DEUP1: variants seen among roughly 807,000 people sequenced by gnomAD.
The protein encoded by DEUP1 is deuterosome assembly protein 1.
In DEUP1, 82 loss-of-function variants were observed where a neutral mutation model predicts 87.4. The ratio of observed to expected loss-of-function variants is 0.94; its 90% CI spans 0.78 to 1.13. DEUP1 has a LOEUF of 1.13. DEUP1 is among the 50% of genes most tolerant of loss of function. The probability of loss-of-function intolerance (pLI) is 0.00; values close to 1 mark genes in which losing one functional copy is unlikely to be tolerated. For missense variants in DEUP1, 663 were observed against 681.5 expected (o/e 0.97, Z 0.30); for synonymous variants, 214 against 222.7 (o/e 0.96, Z 0.35).
intron 1 of DEUP1, among the ~76,000 whole-genome samples, chr11:93,331,993 A>G (rs1264928690): frequency 6.6e-6 from 1 of 152,172 alleles, no homozygotes; most frequent in East Asian, 1.9e-4. Context: ...GTGAGCTGAG[A>G]TCGTGCCTCT....
chr11:93,344,770 C>A (rs1944256091), intron 2 of DEUP1, among the ~76,000 whole-genome samples: 1 of 151,846 alleles, frequency 6.6e-6, no homozygotes, highest in South Asian at 2.1e-4. Flanking sequence ...TGATAAAACA[C>A]TTCTGAAAGT....
At chr11:93,432,959 C>CT (rs1565356963) in intron 13 of DEUP1, among the ~76,000 whole-genome samples, 1 of 152,072 alleles carries the variant, frequency 6.6e-6, no homozygotes, top group Non-Finnish European at 1.5e-5. Flanking sequence ...CTTTTAACTT[C>CT]TTTTTTTCCT....
Position 93,385,413 on chromosome 11 carries a change from C to G in DEUP1, c.805C>G (p.Leu269Val), listed in dbSNP as rs768435683. Residue 269 changes from leucine (L) to valine (V), a missense_variant, in exon 8 of 14, where the codon CTC becomes GTC. Leu to Val is a conservative substitution (Grantham distance 32, BLOSUM62 1). Coordinates refer to ENST00000298050, the MANE Select transcript of DEUP1 (RefSeq NM_181645.4). Reference protein sequence around the residue: ...QRQCQAMEAGLSEVKSELQSR... With the variant: ...QRQCQAMEAGVSEVKSELQSR... Reference sequence around the variant, plus strand: ...TTTTATTCAGGCCATGGAAGCAGGTCTCTCAGAGGTAAAAAGTGAGTTACA... The same window carrying G: ...TTTTATTCAGGCCATGGAAGCAGGTGTCTCAGAGGTAAAAAGTGAGTTACA... 9 of 1,612,710 alleles carry G rather than the reference C, an allele frequency of 5.6e-6. No homozygotes were observed. Among genetic ancestry groups the G allele is most frequent in the Non-Finnish European group, 7.6e-6 (9 of 1,179,604 alleles).
At chr11:93,369,364 A>T (rs534816409) in intron 5 of DEUP1, among the ~76,000 whole-genome samples, 1 of 152,220 alleles carries the variant, frequency 6.6e-6, no homozygotes, top group East Asian at 1.9e-4. Flanking sequence ...CCACCCTCTA[A>T]AAAAACAAGA....
chr11:93,436,029 C>T (rs967013263), intron 13 of DEUP1, among the ~76,000 whole-genome samples: 1 of 151,984 alleles, frequency 6.6e-6, no homozygotes, highest in Non-Finnish European at 1.5e-5. Context: ...TCTGTGTCAC[C>T]CAATAAATGA....
At chr11:93,353,494 G>A (rs1565300594) in intron 2 of DEUP1, among the ~76,000 whole-genome samples, 1 of 152,208 alleles carries the variant, frequency 6.6e-6, no homozygotes, top group African/African-American at 2.4e-5. Context: ...AATAGGCAGT[G>A]CCCCAGTAGG....
chr11:93,372,407 A>C (rs1945785466), intron 7 of DEUP1, among the ~76,000 whole-genome samples: 2 of 152,098 alleles, frequency 1.3e-5, no homozygotes, highest in African/African-American at 4.8e-5. Flanking sequence ...AGGTAAGGTC[A>C]CTGCCTGAGA....
At chr11:93,406,839 A>G (rs1947294884) in intron 11 of DEUP1, among the ~76,000 whole-genome samples, 1 of 152,060 alleles carries the variant, frequency 6.6e-6, no homozygotes, top group East Asian at 1.9e-4. Flanking sequence ...TAATGAAAAA[A>G]TAAGTTAAGG....
chr11:93,437,749 C>G lies in DEUP1; in HGVS notation c.*30C>G, dbSNP rs779406894. On this transcript the variant is annotated 3_prime_UTR_variant, in exon 14 of 14. Transcript: ENST00000298050. ...TTAAACTTTTTTATTTGCTTCCCCC[C>G]CCCACCCCCGCCAAGAAAAAAAGCT... The G allele has an allele frequency of 4.7e-6, 5 of 1,070,704 alleles. No individual in the cohort carries two copies. Among genetic ancestry groups the G allele is most frequent in the Admixed American group, 2.2e-5 (1 of 44,456 alleles). 66.3% of individuals were successfully genotyped at this position (1,070,704 alleles called of 1,614,324 possible). A position where few individuals can be genotyped will look rare whatever the true frequency, so the allele number is the denominator to read the frequency against.
intron 2 of DEUP1, among the ~76,000 whole-genome samples, chr11:93,342,011 C>G (rs1390910558): frequency 6.6e-6 from 1 of 152,140 alleles, no homozygotes; most frequent in African/African-American, 2.4e-5. Context: ...TCCTCATCTC[C>G]TCTTTTTCTC....
At chr11:93,343,594 C>A (rs3019218) in intron 2 of DEUP1, among the ~76,000 whole-genome samples, 4 of 151,886 alleles carry the variant, frequency 2.6e-5, no homozygotes, top group Non-Finnish European at 5.9e-5. Context: ...ATCTGTGGAC[C>A]AAGGGGTTAC....
intron 5 of DEUP1, among the ~76,000 whole-genome samples, chr11:93,367,374 G>A (rs901344633): frequency 4.6e-5 from 7 of 152,014 alleles, no homozygotes; most frequent in Non-Finnish European, 1.0e-4. Context: ...CTCTAAATTA[G>A]CATTTGTTTT....
chr11:93,336,107 C>A (rs1943749278), intron 2 of DEUP1, among the ~76,000 whole-genome samples: 1 of 152,042 alleles, frequency 6.6e-6, no homozygotes. Context: ...GAACAAAACT[C>A]CATCTCAAAA....
At chr11:93,336,309 T>C in intron 2 of DEUP1, among the ~76,000 whole-genome samples, 1 of 151,910 alleles carries the variant, frequency 6.6e-6, no homozygotes, top group Non-Finnish European at 1.5e-5. Context: ...AAGGGGGAAG[T>C]TCGCCCTCAT....
chr11:93,413,759 A>G (rs886799522), intron 12 of DEUP1, among the ~76,000 whole-genome samples: 51 of 152,188 alleles, frequency 3.4e-4, no homozygotes, highest in Admixed American at 3.2e-3. Flanking sequence ...AGCACAAACA[A>G]ATTCCATGCT....
At chr11:93,365,894 T>C (rs906852076) in intron 5 of DEUP1, among the ~76,000 whole-genome samples, 1 of 152,212 alleles carries the variant, frequency 6.6e-6, no homozygotes, top group Admixed American at 6.5e-5. Flanking sequence ...AGGTGTTTAA[T>C]AGAAGTATAG....
intron 11 of DEUP1, among the ~76,000 whole-genome samples, chr11:93,401,238 A>G (rs1947108005): frequency 6.6e-6 from 1 of 152,106 alleles, no homozygotes; most frequent in Non-Finnish European, 1.5e-5. Context: ...ATTTAACCAA[A>G]GAAGTGAAAG....
At chr11:93,400,777 C>A (rs750388486) in intron 11 of DEUP1, among the ~76,000 whole-genome samples, 5 of 151,982 alleles carry the variant, frequency 3.3e-5, no homozygotes, top group African/African-American at 4.8e-5. Flanking sequence ...TCATTCCCCC[C>A]ACAGAATACC....
intron 13 of DEUP1, among the ~76,000 whole-genome samples, chr11:93,420,346 C>A (rs1947835717): frequency 2.0e-5 from 3 of 152,218 alleles, no homozygotes; most frequent in Admixed American, 1.3e-4. Context: ...CAGAAAAGGC[C>A]TTTGACAAAA....
Sources: allele counts gnomAD v4.1 joint callset (sites outside exome capture counted in the v4.1 genomes callset), GRCh38; gene constraint gnomAD v4.1.1; transcripts MANE v1.5; gene names NCBI Gene and HGNC (gene_info 2026-07-23, HGNC 2026-07-21).